Variants in HEXIM2 observed in about 807,000 individuals in gnomAD.
HEXIM2 encodes protein HEXIM2.
For synonymous variants in HEXIM2, 159 were observed against 162.7 expected (o/e 0.98, Z 0.17); for missense variants, 413 against 390.8 (o/e 1.06, Z -0.48).
intron 1 of HEXIM2, 46 bp from the exon 2 acceptor site, chr17:45,162,442 T>G: frequency 9.2e-7 from 1 of 1,092,356 alleles, no homozygotes; most frequent in Non-Finnish European, 1.1e-6. Flanking sequence ...AAACAAAACT[T>G]ACACCTGGCT....
Position 45,161,974 on chromosome 17 carries a change from C to A in HEXIM2, c.-250C>A. The A allele has an allele frequency of 1.0e-6, 1 of 985,596 alleles. No homozygotes were observed. The highest frequency in any genetic ancestry group is 1.2e-6 in the Non-Finnish European group (1 of 830,036). 61.1% of individuals were successfully genotyped at this position (985,596 alleles called of 1,614,324 possible). Reference sequence around the variant, plus strand: ...AGGCGTTGGGAATTGCACCGACAGGCAGTCGCACAGAAAGGCACACAGATG... The same window carrying A: ...AGGCGTTGGGAATTGCACCGACAGGAAGTCGCACAGAAAGGCACACAGATG... On this transcript the variant is annotated 5_prime_UTR_variant, in exon 1 of 4. Transcript: ENST00000589230.
intron 3 of HEXIM2, among the ~76,000 whole-genome samples, chr17:45,163,094 T>C (rs2042746959): frequency 6.6e-6 from 1 of 152,112 alleles, no homozygotes. Context: ...GAGGCCTAGG[T>C]GGGTGGATCA....
upstream of HEXIM2, chr17:45,161,126 C>A: frequency 4.7e-6 from 2 of 427,128 alleles, no homozygotes; most frequent in South Asian, 3.5e-5. Context: ...CATACCCAGG[C>A]CGAATGGGGG....
At chr17:45,161,023 T>G, upstream of HEXIM2, 1 of 1,144,604 alleles carries the variant, frequency 8.7e-7, no homozygotes, top group Non-Finnish European at 1.2e-6. Context: ...ACCTGCGACC[T>G]CCGCCCTCCC....
intron 3 of HEXIM2, among the ~76,000 whole-genome samples, chr17:45,163,354 A>G (rs2042756341): frequency 6.9e-6 from 1 of 144,982 alleles, no homozygotes; most frequent in African/African-American, 2.6e-5. Flanking sequence ...AAAAAATCCT[A>G]GTAACCCTTT....
Position 45,169,304 on chromosome 17 carries a change from G to A in HEXIM2, c.356G>A (p.Arg119Lys). ...SWAEKQQRDERQSQRASRVRE... is the reference protein window; with the variant it reads ...SWAEKQQRDEKQSQRASRVRE... The stretch of plus-strand genomic sequence containing the variant: ...GCTGAGAAACAACAGCGGGATGAGA[G>A]GCAGAGCCAGAGGGCCTCCCGGGTC... Residue 119 changes from arginine to lysine, a missense_variant, in exon 4 of 4, where the codon AGG becomes AAG. Transcript: ENST00000589230. The A allele has an allele frequency of 6.2e-7, 1 of 1,613,872 alleles. No homozygotes were observed. The highest frequency in any genetic ancestry group is 1.1e-5 in the South Asian group (1 of 91,086).
chr17:45,169,549 C>A lies in HEXIM2; in HGVS notation c.601C>A (p.His201Asn). Residue 201 changes from histidine (H) to asparagine (N), a missense_variant, in exon 4 of 4, where the codon CAC becomes AAC. By Grantham distance (68) the His-to-Asn change is moderately conservative. Transcript: ENST00000589230. ...CTTCTCTGAGACTTACGAACGCTTCCACACCGAGAGCCTGCAGGGCCGCAG... is the reference window on the plus strand; with the variant it reads ...CTTCTCTGAGACTTACGAACGCTTCAACACCGAGAGCCTGCAGGGCCGCAG... ...KDFSETYERF[H>N]TESLQGRSKQ... is the part of the protein sequence containing the mutation. 2 of 1,567,978 alleles carry A rather than the reference C, an allele frequency of 1.3e-6. No homozygotes were observed. The highest frequency in any genetic ancestry group is 1.2e-5 in the South Asian group (1 of 86,084).
chr17:45,167,978 C>T lies in HEXIM2; in HGVS notation c.67-1037C>T, dbSNP rs369349903. ...TGTAATCTTGGCTCACTGCAACTTC[C>T]GCCGCCCACATTCTCCAGCCTCAGC... On this transcript the variant is annotated intron_variant, in intron 3 of 3. Transcript: ENST00000589230. 3.5e-4 allele frequency among the ~76,000 whole-genome samples: 53 copies of T among 151,616 alleles called. 2 individuals are homozygous for T. In the East Asian group the frequency reaches 8.1e-3, roughly 23 times the overall value.
chr17:45,168,035 C>A (rs73319048), intron 3 of HEXIM2, among the ~76,000 whole-genome samples: 2 of 151,222 alleles, frequency 1.3e-5, no homozygotes, highest in East Asian at 4.0e-4. Flanking sequence ...AGGCACGTGC[C>A]ACCACGCCCG....
At chr17:45,166,467 T>C (rs905395001) in intron 3 of HEXIM2, among the ~76,000 whole-genome samples, 1 of 152,190 alleles carries the variant, frequency 6.6e-6, no homozygotes. Flanking sequence ...CTCCCTATCC[T>C]ATAATCTTTA....
At chr17:45,168,393 G>A (rs1028106488) in intron 3 of HEXIM2, among the ~76,000 whole-genome samples, 1 of 151,748 alleles carries the variant, frequency 6.6e-6, no homozygotes, top group Admixed American at 6.6e-5. Context: ...TGAGGCTGGA[G>A]AATTCCGGAG....
chr17:45,164,886 G>T (rs976595897), intron 3 of HEXIM2, among the ~76,000 whole-genome samples: 1 of 152,132 alleles, frequency 6.6e-6, no homozygotes, highest in Admixed American at 6.5e-5. Flanking sequence ...AGCCCATTCC[G>T]TGTTTTCTGG....
chr17:45,164,593 T>C (rs6503425), intron 3 of HEXIM2, among the ~76,000 whole-genome samples: 11,484 of 152,098 alleles, frequency 0.076, 1,377 homozygotes, highest in African/African-American at 0.25. Flanking sequence ...GCTGAGATCA[T>C]GCCACTGCAC....
rs1346091819 is a variant in HEXIM2, at chr17:45,162,789, AGAAGATGAT to A, written c.-3_6del. On this transcript the variant is annotated start_lost and 5_prime_UTR_variant, in exon 3 of 4. Transcript: ENST00000589230. ...AGGCGTCTGCTGAAAGATTTGGAAC[AGAAGATGAT>A]GGCCACTCCGAACCAGACCGCCTGT... 1 of 1,613,908 alleles carries A rather than the reference AGAAGATGAT, an allele frequency of 6.2e-7. No homozygotes were observed. The highest frequency in any genetic ancestry group is 8.5e-7 in the Non-Finnish European group (1 of 1,180,012).
Position 45,162,429 on chromosome 17 carries a change from G to A in HEXIM2, c.-192-59G>A, listed in dbSNP as rs1459573519. ...TCCTCCTTTGCCCCTTTGGTGGTTG[G>A]GGAAACAAAACTTACACCTGGCTTC... On this transcript the variant is annotated intron_variant, in intron 1 of 3. Coordinates refer to ENST00000589230, the MANE Select transcript of HEXIM2 (RefSeq NM_001303441.2). The A allele has an allele frequency of 7.3e-6, 8 of 1,089,350 alleles. No individual in the cohort carries two copies. In the African/African-American group the frequency reaches 1.2e-4, roughly 16 times the overall value. The allele number at this position is 1,089,350 out of a possible 1,614,324, so 67.5% of individuals were successfully genotyped here. A position where few individuals can be genotyped will look rare whatever the true frequency, so the allele number is the denominator to read the frequency against.
Position 45,169,493 on chromosome 17 carries a change from G to T in HEXIM2, c.545G>T (p.Gly182Val). ...ESEAGDSDGR[G>V]RAHGEFQRKD... Reference sequence around the variant, plus strand: ...GAGGCCGGGGACAGTGATGGGCGGGGCCGAGCGCACGGTGAGTTCCAGCGG... The same window carrying T: ...GAGGCCGGGGACAGTGATGGGCGGGTCCGAGCGCACGGTGAGTTCCAGCGG... Residue 182 changes from glycine to valine, a missense_variant, in exon 4 of 4, where the codon GGC becomes GTC. Gly to Val is a moderately radical substitution (Grantham distance 109, BLOSUM62 -3). Transcript: ENST00000589230. The T allele has an allele frequency of 6.2e-7, 1 of 1,612,440 alleles. No individual in the cohort carries two copies. Among genetic ancestry groups the T allele is most frequent in the East Asian group, 2.2e-5 (1 of 44,832 alleles).
upstream of HEXIM2, chr17:45,160,873 G>A (rs146371170): frequency 5.5e-3 from 7,072 of 1,285,898 alleles, 33 homozygotes; most frequent in Middle Eastern, 6.6e-3. Flanking sequence ...ATTAGTGGTT[G>A]CTACAGTAGT....
chr17:45,165,418 C>T (rs1218430576), intron 3 of HEXIM2, among the ~76,000 whole-genome samples: 10 of 152,124 alleles, frequency 6.6e-5, no homozygotes, highest in Admixed American at 1.3e-4. Flanking sequence ...GCATGGACCA[C>T]GCTCACATGT....
In HEXIM2 at chr17:45,169,805, C is replaced by A; in HGVS notation, c.857C>A (p.Thr286Asn). 7.0e-7 allele frequency: 1 copy of A among 1,435,604 alleles called. No homozygotes were observed. The highest frequency in any genetic ancestry group is 9.1e-7 in the Non-Finnish European group (1 of 1,096,864). The allele number at this position is 1,435,604 out of a possible 1,614,324, so 88.9% of individuals were successfully genotyped here. A position where few individuals can be genotyped will look rare whatever the true frequency, so the allele number is the denominator to read the frequency against. Residue 286 changes from threonine (T) to asparagine (N), a missense_variant, in exon 4 of 4, where the codon ACC becomes AAC. Thr to Asn is a moderately conservative substitution (Grantham distance 65). Transcript: ENST00000589230. ...TGCCGCTGTGATGAGGAGCCGGGTACCTAGGGGTGCCTCCCAGCCTGGTGG... is the reference window on the plus strand; with the variant it reads ...TGCCGCTGTGATGAGGAGCCGGGTAACTAGGGGTGCCTCCCAGCCTGGTGG... The part of the protein sequence containing the change: ...EGCRCDEEPG[T>N]
Sources: gnomAD v4.1 joint callset for allele counts (sites outside exome capture counted in the v4.1 genomes callset) on GRCh38, gnomAD v4.1.1 for gene constraint, MANE v1.5 for transcripts, NCBI Gene and HGNC (gene_info 2026-07-23, HGNC 2026-07-21) for gene names.